The following VCAN variants were observed in gnomAD, a reference collection of about 807,000 sequenced individuals.
VCAN encodes versican core protein.
A neutral mutation model predicts 245.5 loss-of-function variants in VCAN; 44 were observed. The ratio of observed to expected loss-of-function variants is 0.18; its 90% confidence interval spans 0.14 to 0.23. The LOEUF (loss-of-function observed/expected upper bound fraction) is 0.23, where lower values mean the gene tolerates loss of function less well. VCAN is among the 10% of genes least tolerant of loss of function. The pLI, the probability that VCAN is intolerant of heterozygous loss-of-function variation, is 1.00. For synonymous variants in VCAN, 1,413 were observed against 1,437.0 expected (o/e 0.98, Z 0.38); for missense variants, 3,793 against 4,057.9 (o/e 0.93, Z 1.77).
At chr5:83,499,405 A>T (rs1745262020) in intron 5 of VCAN, among the ~76,000 whole-genome samples, 1 of 152,208 alleles carries the variant, frequency 6.6e-6, no homozygotes, top group Non-Finnish European at 1.5e-5. Flanking sequence ...TCCAATAAAT[A>T]GTTGGTGGTA....
chr5:83,480,433 A>G (rs1350787740), intron 1 of VCAN, among the ~76,000 whole-genome samples: 1 of 152,160 alleles, frequency 6.6e-6, no homozygotes, highest in East Asian at 1.9e-4. Flanking sequence ...ATATTGACAA[A>G]CATCATATTA....
rs1346387467 is a variant in VCAN at position 83,581,017 on chromosome 5, A to G, written c.*583A>G. ...AGGTCATTGCACCTATCTCAGCCAT[A>G]GGTGCAGTTTGCTTCTACATGATGC... On this transcript the variant is annotated 3_prime_UTR_variant, in exon 15 of 15. Transcript: ENST00000265077. The G allele has an allele frequency of 1.8e-5, 3 of 169,672 alleles. No homozygotes were observed. The highest frequency in any genetic ancestry group is 3.9e-5 in the Non-Finnish European group (3 of 77,576). 10.5% of individuals were successfully genotyped at this position (169,672 alleles called of 1,614,324 possible).
chr5:83,580,060 A>G lies in VCAN; in HGVS notation c.9961A>G (p.Ile3321Val). The part of the protein sequence containing the change: ...MKPRYEINSL[I>V]RYHCKDGFIQ... ...ACCTCGTTATGAAATCAACTCCCTG[A>G]TTAGATACCACTGCAAAGATGGTTT... The change falls in exon 14 of 15, where the codon ATT (isoleucine) becomes GTT (valine). Residue 3321 changes from isoleucine to valine, a missense_variant. Ile to Val is a conservative substitution (Grantham distance 29). Coordinates refer to ENST00000265077, the MANE Select transcript of VCAN (RefSeq NM_004385.5). 6.2e-7 allele frequency: 1 copy of G among 1,614,132 alleles called. No homozygotes were observed. The highest frequency in any genetic ancestry group is 8.5e-7 in the Non-Finnish European group (1 of 1,180,000).
At chr5:83,524,425 T>G (rs1205373246) in intron 7 of VCAN, among the ~76,000 whole-genome samples, 1 of 152,156 alleles carries the variant, frequency 6.6e-6, no homozygotes, top group Non-Finnish European at 1.5e-5. Context: ...GTTACTTCCA[T>G]CAGGCAGAAT....
intron 5 of VCAN, among the ~76,000 whole-genome samples, chr5:83,504,375 C>T (rs912834987): frequency 1.3e-5 from 2 of 151,452 alleles, no homozygotes; most frequent in African/African-American, 4.9e-5. Context: ...TATGTATATA[C>T]CTTGATGAAT....
At position 83,537,856 on chromosome 5, in the gene VCAN, G is replaced by C; in HGVS notation, c.4853G>C (p.Ser1618Thr). ...GATGACCTGTTGTCTACCAAAGAAA[G>C]CTGGGTAGAAGCAACTCCTAGACAA... is the stretch of plus-strand genomic sequence containing the variant. Reference protein sequence around the residue: ...WPDDLLSTKESWVEATPRQVV... With the variant: ...WPDDLLSTKETWVEATPRQVV... The change falls in exon 8 of 15, where the codon AGC becomes ACC. Residue 1618 changes from serine to threonine, a missense_variant. Physicochemically the swap from Ser to Thr is moderately conservative, Grantham distance 58 (BLOSUM62 1). This residue lies in a region of VCAN where 3,182 missense variants were observed against 3,250.3 expected (regional missense o/e 0.98). Coordinates refer to ENST00000265077, the MANE Select transcript of VCAN (RefSeq NM_004385.5). The C allele has an allele frequency of 6.2e-7, 1 of 1,613,972 alleles. No homozygotes were observed. Among genetic ancestry groups the C allele is most frequent in the Non-Finnish European group, 8.5e-7 (1 of 1,179,940 alleles).
chr5:83,491,361 G>GT (rs1744973755), intron 3 of VCAN, among the ~76,000 whole-genome samples: 1 of 152,044 alleles, frequency 6.6e-6, no homozygotes. Flanking sequence ...TATACAAAGG[G>GT]TTTTATTAAA....
rs755798490 is a variant in VCAN at position 83,537,888 on chromosome 5, GA to G, written c.4886del (p.Glu1629GlyfsTer28). On this transcript the variant is annotated frameshift_variant, in exon 8 of 15. Coordinates refer to ENST00000265077, the MANE Select transcript of VCAN (RefSeq NM_004385.5). LOFTEE classifies it high-confidence loss of function. ...AGAAGCAACTCCTAGACAAGTTGTA[GA>G]GCTCTCAGGGAGTTCTTCGATTCCA... is the stretch of plus-strand genomic sequence containing the variant. ...WVEATPRQVV[E>X]LSGSSSIPIT... is the part of the protein sequence containing the mutation. The G allele has an allele frequency of 6.2e-7, 1 of 1,613,970 alleles. No homozygotes were observed. Among genetic ancestry groups the G allele is most frequent in the Non-Finnish European group, 8.5e-7 (1 of 1,179,960 alleles).
intron 7 of VCAN, among the ~76,000 whole-genome samples, chr5:83,534,996 T>A (rs1243168417): frequency 6.6e-6 from 1 of 152,046 alleles, no homozygotes; most frequent in African/African-American, 2.4e-5. Context: ...TTTAGTGACC[T>A]AATATTGAAG....
intron 3 of VCAN, among the ~76,000 whole-genome samples, chr5:83,492,353 T>C (rs1324024978): frequency 1.3e-5 from 2 of 152,182 alleles, no homozygotes; most frequent in South Asian, 2.1e-4. Flanking sequence ...AACCACAGTT[T>C]ATCCCAAATA....
chr5:83,527,417 A>C lies in VCAN; in HGVS notation c.4003+5108A>C, dbSNP rs536658853. On this transcript the variant is annotated intron_variant, in intron 7 of 14. Coordinates refer to ENST00000265077, the MANE Select transcript of VCAN (RefSeq NM_004385.5). ...CAGAGAAGCACATTTTTCTGCAGAT[A>C]ATTAGAATGGCTTCCCCCATCTCTC... 1.6e-4 allele frequency among the ~76,000 whole-genome samples: 24 copies of C among 152,298 alleles called. No homozygotes were observed. In the South Asian group the frequency reaches 4.1e-3, roughly 26 times the overall value.
At chr5:83,507,941 G>T (rs953368242) in intron 5 of VCAN, among the ~76,000 whole-genome samples, 2 of 152,186 alleles carry the variant, frequency 1.3e-5, no homozygotes, top group South Asian at 2.1e-4. Flanking sequence ...TGAGATACGG[G>T]GTTGAAAGAC....
intron 12 of VCAN, among the ~76,000 whole-genome samples, chr5:83,564,240 G>A (rs1044623704): frequency 1.3e-5 from 2 of 151,800 alleles, no homozygotes; most frequent in Non-Finnish European, 2.9e-5. Context: ...GATTTTGGGG[G>A]ACATATTCCA....
rs1746831848 is a variant in VCAN at position 83,538,714 on chromosome 5, G to A, written c.5711G>A (p.Arg1904Lys). The change falls in exon 8 of 15, where the codon AGG (arginine) becomes AAG (lysine). Residue 1904 changes from arginine to lysine, a missense_variant. Physicochemically the swap from Arg to Lys is conservative, Grantham distance 26. Transcript: ENST00000265077. ...GCTGAAAATATAACCCAAACATCCAGGGAAATAGTGATTTCAGAGCGATTA... is the reference window on the plus strand; with the variant it reads ...GCTGAAAATATAACCCAAACATCCAAGGAAATAGTGATTTCAGAGCGATTA... Reference protein sequence around the residue: ...VVAENITQTSREIVISERLGE... With the variant: ...VVAENITQTSKEIVISERLGE... 1 of 1,613,890 alleles carries A rather than the reference G, an allele frequency of 6.2e-7. No homozygotes were observed.
rs1043661147 is a variant in VCAN, at chr5:83,485,917, C to T, written c.70+2329C>T. ...TAGTTCAAGACCAGTCTGGGCAACA[C>T]AGTGAGACCCTATCTCTACAAACAT... On this transcript the variant is annotated intron_variant, in intron 2 of 14. Coordinates refer to ENST00000265077, the MANE Select transcript of VCAN (RefSeq NM_004385.5). 2.0e-5 allele frequency among the ~76,000 whole-genome samples: 3 copies of T among 152,190 alleles called. No homozygotes were observed. In the East Asian group the frequency reaches 5.8e-4, roughly 29 times the overall value.
chr5:83,517,057 C>A (rs1745878785), intron 6 of VCAN, among the ~76,000 whole-genome samples: 2 of 152,076 alleles, frequency 1.3e-5, no homozygotes, highest in South Asian at 2.1e-4. Flanking sequence ...TTTTTGGAAA[C>A]AAAGTCACAT....
At chr5:83,555,495 T>C (rs184249131) in intron 12 of VCAN, among the ~76,000 whole-genome samples, 38 of 152,356 alleles carry the variant, frequency 2.5e-4, no homozygotes, top group Admixed American at 2.1e-3. Context: ...TAAAGAAGAC[T>C]GTTGATATGA....
rs181566519 is a variant in VCAN at position 83,528,224 on chromosome 5, G to A, written c.4003+5915G>A. On this transcript the variant is annotated intron_variant, in intron 7 of 14. Coordinates refer to ENST00000265077, the MANE Select transcript of VCAN (RefSeq NM_004385.5). ...TGGTAGGTGAGGTCAGAAAAAGAAG[G>A]AATCAAGAAAGGCAGGAAGTTACAG... Among the ~76,000 whole-genome samples, 9 of 152,244 alleles carry A rather than the reference G, an allele frequency of 5.9e-5. No individual in the cohort carries two copies. In the East Asian group the frequency reaches 1.7e-3, roughly 29 times the overall value.
At chr5:83,503,707 G>T (rs1745401199) in intron 5 of VCAN, among the ~76,000 whole-genome samples, 1 of 152,180 alleles carries the variant, frequency 6.6e-6, no homozygotes, top group African/African-American at 2.4e-5. Flanking sequence ...AAACTGGTAA[G>T]ATCTCAGCTT....
Sources: gnomAD v4.1 joint callset for allele counts (sites outside exome capture counted in the v4.1 genomes callset) on GRCh38, gnomAD v4.1.1 for gene constraint, gnomAD v4.1.1 regional missense constraint, MANE v1.5 for transcripts, NCBI Gene and HGNC (gene_info 2026-07-23, HGNC 2026-07-21) for gene names.